The following FGD4 variants were observed in gnomAD, a reference collection of about 807,000 sequenced individuals.
FGD4 encodes the protein FYVE, RhoGEF and PH domain-containing protein 4.
Under a neutral mutation model 102.0 loss-of-function variants are expected in FGD4, and 42 were observed. That is an observed-to-expected ratio of 0.41 (90% CI 0.32 to 0.53). The LOEUF (loss-of-function observed/expected upper bound fraction) is 0.53, where lower values mean the gene tolerates loss of function less well. Ranked by LOEUF, FGD4 falls within the 20% of genes least tolerant of loss-of-function variation. The pLI is 0.21. For missense variants in FGD4, 902 were observed against 1,078.2 expected, an observed-to-expected ratio of 0.84 and a Z score of 2.29; for synonymous variants, 380 against 375.7, an observed-to-expected ratio of 1.01 and a Z score of -0.13.
At chr12:32,420,581 G>A (rs1449129338) in intron 1 of FGD4, among the ~76,000 whole-genome samples, 2 of 152,066 alleles carry the variant, frequency 1.3e-5, no homozygotes, top group East Asian at 1.9e-4. Context: ...TGATTCCCTG[G>A]TGACACTCAA....
intron 1 of FGD4, among the ~76,000 whole-genome samples, chr12:32,492,910 T>C (rs1944161220): frequency 6.6e-6 from 1 of 152,232 alleles, no homozygotes; most frequent in Admixed American, 6.5e-5. Flanking sequence ...GCCCGCACCT[T>C]GGACAGCCTT....
chr12:32,594,216 G>A (rs1358267995), intron 4 of FGD4, among the ~76,000 whole-genome samples: 3 of 152,156 alleles, frequency 2.0e-5, no homozygotes, highest in Non-Finnish European at 4.4e-5. Context: ...GTATTTACAG[G>A]CTTGCTCCCC....
At chr12:32,614,054 A>T (rs1949307643) in intron 10 of FGD4, among the ~76,000 whole-genome samples, 1 of 152,204 alleles carries the variant, frequency 6.6e-6, no homozygotes, top group African/African-American at 2.4e-5. Context: ...GAAAAAGTTC[A>T]TCTTTTTCCT....
At chr12:32,464,090 C>T (rs1194749964) in intron 1 of FGD4, among the ~76,000 whole-genome samples, 2 of 152,096 alleles carry the variant, frequency 1.3e-5, no homozygotes, top group Non-Finnish European at 2.9e-5. Flanking sequence ...TTGCTAAGCA[C>T]TTATTTGCAT....
At chr12:32,638,448 T>C (rs1334768603) in intron 15 of FGD4, among the ~76,000 whole-genome samples, 1 of 152,238 alleles carries the variant, frequency 6.6e-6, no homozygotes, top group African/African-American at 2.4e-5. Flanking sequence ...CAATAAACAC[T>C]TAACTCTTTA....
chr12:32,530,267 A>G (rs1043639227), intron 1 of FGD4, among the ~76,000 whole-genome samples: 6 of 152,106 alleles, frequency 3.9e-5, no homozygotes, highest in Non-Finnish European at 8.8e-5. Flanking sequence ...CAGATCACTC[A>G]ATGTCAGAAG....
intron 1 of FGD4, among the ~76,000 whole-genome samples, chr12:32,404,790 T>C (rs995299393): frequency 6.6e-6 from 1 of 152,162 alleles, no homozygotes; most frequent in Admixed American, 6.5e-5. Context: ...CAAGTAAAGA[T>C]TTACACTAAA....
chr12:32,411,311 C>T (rs1565724511), intron 1 of FGD4, among the ~76,000 whole-genome samples: 1 of 151,832 alleles, frequency 6.6e-6, no homozygotes. Context: ...CCGAGGCGGA[C>T]GGATCACGAC....
intron 1 of FGD4, among the ~76,000 whole-genome samples, chr12:32,510,748 A>C (rs1160039494): frequency 6.6e-6 from 1 of 152,216 alleles, no homozygotes; most frequent in Non-Finnish European, 1.5e-5. Context: ...GGTGGTATTT[A>C]AATATAAATT....
At chr12:32,487,539 T>C (rs1477691736) in intron 1 of FGD4, among the ~76,000 whole-genome samples, 2 of 152,126 alleles carry the variant, frequency 1.3e-5, no homozygotes, top group African/African-American at 4.8e-5. Context: ...ATTTCAGTGA[T>C]TGTCGTGCCT....
At chr12:32,460,186 T>C (rs773653194) in intron 1 of FGD4, among the ~76,000 whole-genome samples, 2 of 152,198 alleles carry the variant, frequency 1.3e-5, no homozygotes, top group Non-Finnish European at 2.9e-5. Flanking sequence ...TTAAAACTAC[T>C]TTTCATTTTA....
chr12:32,604,748 C>T (rs1948657773), intron 7 of FGD4, among the ~76,000 whole-genome samples: 1 of 152,062 alleles, frequency 6.6e-6, no homozygotes. Flanking sequence ...CCTGATGGCC[C>T]CTTCATAGTG....
chr12:32,543,713 G>A (rs887488185), intron 1 of FGD4, among the ~76,000 whole-genome samples: 2 of 152,190 alleles, frequency 1.3e-5, no homozygotes, highest in African/African-American at 2.4e-5. Context: ...TGCAAGCTCC[G>A]CCTCCTGGGT....
intron 1 of FGD4, among the ~76,000 whole-genome samples, chr12:32,510,809 G>A (rs777244871): frequency 3.3e-5 from 5 of 152,198 alleles, no homozygotes; most frequent in South Asian, 2.1e-4. Context: ...TATCAGGTAC[G>A]TGGAACTAAA....
chr12:32,508,742 T>C (rs145025981), intron 1 of FGD4, among the ~76,000 whole-genome samples: 7 of 152,364 alleles, frequency 4.6e-5, no homozygotes, highest in Non-Finnish European at 8.8e-5. Context: ...AGAATTCAGC[T>C]CAGTGTGCTG....
At chr12:32,608,571 A>C (rs531669127) in intron 8 of FGD4, among the ~76,000 whole-genome samples, 2 of 152,302 alleles carry the variant, frequency 1.3e-5, no homozygotes, top group East Asian at 3.9e-4. Flanking sequence ...GTCCAATAAC[A>C]TTTTCTTCAA....
intron 1 of FGD4, among the ~76,000 whole-genome samples, chr12:32,405,280 T>C (rs1362197439): frequency 2.1e-5 from 3 of 141,814 alleles, no homozygotes; most frequent in African/African-American, 7.9e-5. Flanking sequence ...TTTTTTTTTT[T>C]AGAAGGAGTT....
At chr12:32,589,648 T>C (rs1253753251) in intron 4 of FGD4, among the ~76,000 whole-genome samples, 1 of 152,244 alleles carries the variant, frequency 6.6e-6, no homozygotes, top group Non-Finnish European at 1.5e-5. Context: ...AGTTGTTCTC[T>C]CTTCACCACC....
At chr12:32,483,398 C>T (rs1460618246) in intron 1 of FGD4, among the ~76,000 whole-genome samples, 3 of 152,144 alleles carry the variant, frequency 2.0e-5, no homozygotes, top group Non-Finnish European at 4.4e-5. Flanking sequence ...TCCATATAAT[C>T]TCTGAATGAA....
Sources: allele counts gnomAD v4.1 joint callset (sites outside exome capture counted in the v4.1 genomes callset), GRCh38; gene constraint gnomAD v4.1.1; transcripts MANE v1.5; gene names NCBI Gene and HGNC (gene_info 2026-07-23, HGNC 2026-07-21).